FGF13: variants seen among roughly 807,000 people sequenced by gnomAD.
The protein encoded by FGF13 is fibroblast growth factor homologous factor 2.
In FGF13, 2 loss-of-function variants were observed where a neutral mutation model predicts 19.5. The observed-to-expected ratio is 0.10, with a 90% confidence interval of 0.04 to 0.32. The LOEUF is 0.32. Ranked by LOEUF, FGF13 falls within the 10% of genes least tolerant of loss-of-function variation. The pLI is 1.00. For missense variants in FGF13, 113 were observed against 192.7 expected (o/e 0.59, Z 2.45); for synonymous variants, 72 against 76.9 (o/e 0.94, Z 0.33).
chrX:138,695,357 C>G (rs1449843970), intron 3 of FGF13, among the ~76,000 whole-genome samples: 1 of 111,438 alleles, frequency 9.0e-6, no homozygotes, highest in Non-Finnish European at 1.9e-5. Context: ...AGAAGACATG[C>G]CAATGCTGTA....
intron 3 of FGF13, among the ~76,000 whole-genome samples, chrX:138,757,206 T>A (rs1458193602): frequency 7.2e-5 from 8 of 110,669 alleles, no homozygotes; most frequent in Non-Finnish European, 1.5e-4. Flanking sequence ...TTACATATCA[T>A]GTGCATTGAT....
At chrX:139,201,478 AT>A (rs1415833659) in intron 1 of FGF13, among the ~76,000 whole-genome samples, 2 of 112,233 alleles carry the variant, frequency 1.8e-5, no homozygotes, top group Non-Finnish European at 3.8e-5. Flanking sequence ...TTACTAAATT[AT>A]TTGATTTCAT....
At chrX:139,115,612 C>G (rs145075146) in intron 1 of FGF13, among the ~76,000 whole-genome samples, 47 of 112,254 alleles carry the variant, frequency 4.2e-4, no homozygotes, top group African/African-American at 1.4e-3. Context: ...GGAATGCTCA[C>G]CTCCAGACAT....
chrX:138,921,986 AAAC>A lies in FGF13; in HGVS notation c.-112-57339_-112-57337del, dbSNP rs1411195817. ...TTATGGAACTCAAAAAAAAAAAAAA[AAAC>A]AACAAAACAACAACAACAAAAAAAA... On this transcript the variant is annotated intron_variant, in intron 1 of 2. Transcript: ENST00000421460. Among the ~76,000 whole-genome samples, 61 of 107,636 alleles carry A rather than the reference AAAC, an allele frequency of 5.7e-4. 1 individual carries two copies. Among genetic ancestry groups the A allele is most frequent in the Admixed American group, 2.4e-3 (24 of 9,954 alleles). The allele number at this position is 107,636 out of a possible 115,157, so 93.5% of individuals were successfully genotyped here. A position where few individuals can be genotyped will look rare whatever the true frequency, so the allele number is the denominator to read the frequency against.
At chrX:139,199,319 A>G (rs1160658250) in intron 1 of FGF13, among the ~76,000 whole-genome samples, 2 of 110,680 alleles carry the variant, frequency 1.8e-5, no homozygotes, top group Non-Finnish European at 3.8e-5. Flanking sequence ...CCCTCCTTCA[A>G]TTGCTTAATC....
At chrX:139,050,376 C>T (rs1291803259) in intron 1 of FGF13, among the ~76,000 whole-genome samples, 4 of 111,714 alleles carry the variant, frequency 3.6e-5, no homozygotes, top group African/African-American at 9.8e-5. Flanking sequence ...TCTCTATATC[C>T]CCAACAGTGC....
intron 3 of FGF13, among the ~76,000 whole-genome samples, chrX:138,670,854 G>C (rs1459596584): frequency 9.0e-6 from 1 of 111,605 alleles, no homozygotes; most frequent in Admixed American, 9.6e-5. Context: ...ACAAGAGTTA[G>C]CATAGTTTGA....
upstream of FGF13, among the ~76,000 whole-genome samples, chrX:138,740,119 C>T (rs1335059667): frequency 8.9e-6 from 1 of 111,904 alleles, no homozygotes; most frequent in Admixed American, 9.5e-5. Context: ...GGAAGACCCA[C>T]TATTTTTGTT....
At chrX:138,645,872 T>C (rs2089301745) in intron 3 of FGF13, among the ~76,000 whole-genome samples, 1 of 112,126 alleles carries the variant, frequency 8.9e-6, no homozygotes, top group Admixed American at 9.5e-5. Flanking sequence ...ATACTAGAAT[T>C]ACTATAATGT....
chrX:138,911,410 G>A (rs948350768), intron 1 of FGF13, among the ~76,000 whole-genome samples: 4 of 109,275 alleles, frequency 3.7e-5, no homozygotes, highest in Non-Finnish European at 7.6e-5. Flanking sequence ...GGAGCTAAAC[G>A]ATGAGGACAC....
At chrX:138,775,207 T>C (rs2090579031) in intron 3 of FGF13, among the ~76,000 whole-genome samples, 1 of 112,064 alleles carries the variant, frequency 8.9e-6, no homozygotes, top group African/African-American at 3.2e-5. Flanking sequence ...GATCCACCCT[T>C]TTTCTCCTCC....
chrX:138,787,220 A>G (rs2090700650), intron 3 of FGF13, among the ~76,000 whole-genome samples: 1 of 112,861 alleles, frequency 8.9e-6, no homozygotes, highest in African/African-American at 3.2e-5. Context: ...TTAATCAGCC[A>G]GATGGGGCTG....
At chrX:138,709,017 C>A in intron 1 of FGF13, 89 bp from the exon 2 acceptor site, 1 of 492,522 alleles carries the variant, frequency 2.0e-6, no homozygotes, top group Non-Finnish European at 3.4e-6. Flanking sequence ...ATTTCATTTA[C>A]AAATCTTAAT....
chrX:139,125,846 C>G (rs751078468), intron 1 of FGF13, among the ~76,000 whole-genome samples: 1 of 111,349 alleles, frequency 9.0e-6, no homozygotes, highest in African/African-American at 3.3e-5. Context: ...TAGGACCATT[C>G]TAGATTCTCA....
chrX:139,096,737 C>T (rs1477569308), intron 1 of FGF13, among the ~76,000 whole-genome samples: 1 of 111,829 alleles, frequency 8.9e-6, no homozygotes, highest in Admixed American at 9.5e-5. Context: ...TAAAAAAGAT[C>T]AGTCAATGCT....
chrX:139,140,691 T>G (rs766656394), intron 1 of FGF13, among the ~76,000 whole-genome samples: 5 of 110,682 alleles, frequency 4.5e-5, no homozygotes, highest in Non-Finnish European at 9.4e-5. Context: ...GGGGCAGCAA[T>G]CAGATCAATC....
intron 1 of FGF13, among the ~76,000 whole-genome samples, chrX:139,166,645 G>C (rs1010946832): frequency 4.9e-4 from 55 of 111,310 alleles, no homozygotes; most frequent in African/African-American, 1.8e-3. Context: ...CAATGCAACA[G>C]TGTTGGGAAG....
intron 3 of FGF13, among the ~76,000 whole-genome samples, chrX:138,751,753 T>C (rs1199481856): frequency 8.9e-6 from 1 of 111,806 alleles, no homozygotes; most frequent in East Asian, 2.8e-4. Context: ...GTATCCATGG[T>C]CAAAAGTAAT....
chrX:138,670,433 TGCATCA>T (rs2089599254), intron 3 of FGF13, among the ~76,000 whole-genome samples: 1 of 111,724 alleles, frequency 9.0e-6, no homozygotes, highest in South Asian at 3.7e-4. Context: ...AAGAAAAAAA[TGCATCA>T]GCAGAGGACT....
Sources: allele counts gnomAD v4.1 joint callset (sites outside exome capture counted in the v4.1 genomes callset), GRCh38; gene constraint gnomAD v4.1.1; transcripts MANE v1.5; gene names NCBI Gene and HGNC (gene_info 2026-07-23, HGNC 2026-07-21).